Variants in TRAPPC9 observed in about 807,000 individuals in gnomAD.
The protein encoded by TRAPPC9 is trafficking protein particle complex subunit 9.
A neutral mutation model predicts 124.0 loss-of-function variants in TRAPPC9; 83 were observed. The observed-to-expected ratio is 0.67, with a 90% CI of 0.56 to 0.80. TRAPPC9 has a LOEUF of 0.80. Among genes scored for constraint, TRAPPC9 ranks in the 30% least tolerant of loss-of-function variants. The probability of loss-of-function intolerance (pLI) is 0.00; values close to 1 mark genes in which losing one functional copy is unlikely to be tolerated. For missense variants in TRAPPC9, 1,302 were observed against 1,508.3 expected (o/e 0.86, Z 2.27); for synonymous variants, 638 against 617.5 (o/e 1.03, Z -0.49).
At chr8:139,745,732 G>A (rs1278258042) in intron 21 of TRAPPC9, among the ~76,000 whole-genome samples, 2 of 152,260 alleles carry the variant, frequency 1.3e-5, no homozygotes, top group Non-Finnish European at 2.9e-5. Context: ...GGGAAGCCAG[G>A]GCCTCTGGAT....
At chr8:139,986,530 G>A (rs1305664214) in intron 19 of TRAPPC9, among the ~76,000 whole-genome samples, 1 of 152,172 alleles carries the variant, frequency 6.6e-6, no homozygotes, top group South Asian at 2.1e-4. Flanking sequence ...CCCATTAAGA[G>A]ACGCTACTGT....
At position 139,885,715 on chromosome 8, in the gene TRAPPC9, C is replaced by A. The variant is rs568368828; in HGVS notation, c.3055+164G>T. 3.3e-4 allele frequency among the ~76,000 whole-genome samples: 51 copies of A among 152,340 alleles called. No individual in the cohort carries two copies. The South Asian group carries it at 9.5e-3, about 28-fold the overall frequency. On this transcript the variant is annotated intron_variant, in intron 21 of 22. Coordinates refer to ENST00000438773, the MANE Select transcript of TRAPPC9 (RefSeq NM_001160372.4). ...AGATGACCTCACACAGAGGTGCTGG[C>A]GCAGTATGGTGAGCCCGTCTTTTTC...
chr8:139,748,356 A>G lies in TRAPPC9; in HGVS notation c.3056-16154T>C, dbSNP rs1466731620. Reference sequence around the variant, plus strand: ...CAGAGAAGATGCAGGGGGTACACACAGCAGGAGTCAGAGCAGGTAGGGGGG... The same window carrying G: ...CAGAGAAGATGCAGGGGGTACACACGGCAGGAGTCAGAGCAGGTAGGGGGG... On this transcript the variant is annotated intron_variant, in intron 21 of 22. Transcript: ENST00000438773. Among the ~76,000 whole-genome samples, 3 of 103,956 alleles carry G rather than the reference A, an allele frequency of 2.9e-5. No individual in the cohort carries two copies. The East Asian group carries it at 9.3e-4, about 32-fold the overall frequency. 68.2% of individuals were successfully genotyped at this position (103,956 alleles called of 152,430 possible). A position where few individuals can be genotyped will look rare whatever the true frequency, so the allele number is the denominator to read the frequency against.
At chr8:140,107,442 A>G (rs1448828857) in intron 17 of TRAPPC9, among the ~76,000 whole-genome samples, 1 of 152,230 alleles carries the variant, frequency 6.6e-6, no homozygotes, top group Non-Finnish European at 1.5e-5. Context: ...CCTCAAGACA[A>G]CTGCAACAAA....
At chr8:140,258,549 T>C (rs936547826) in intron 15 of TRAPPC9, among the ~76,000 whole-genome samples, 19 of 152,230 alleles carry the variant, frequency 1.2e-4, no homozygotes, top group African/African-American at 4.6e-4. Context: ...ATACATTCTC[T>C]AGGGGTTTTG....
At chr8:139,758,992 C>A (rs1376180869) in intron 21 of TRAPPC9, among the ~76,000 whole-genome samples, 1 of 152,210 alleles carries the variant, frequency 6.6e-6, no homozygotes, top group African/African-American at 2.4e-5. Flanking sequence ...CAAGACACTG[C>A]ATGAGTGAGA....
chr8:139,888,302 C>A (rs1830136850), intron 20 of TRAPPC9, among the ~76,000 whole-genome samples: 1 of 152,224 alleles, frequency 6.6e-6, no homozygotes, highest in South Asian at 2.1e-4. Context: ...CTCGGCCCAA[C>A]TTTGAATCCT....
chr8:139,850,790 G>A (rs1037256200), intron 21 of TRAPPC9, among the ~76,000 whole-genome samples: 2 of 152,002 alleles, frequency 1.3e-5, no homozygotes, highest in Non-Finnish European at 2.9e-5. Context: ...TGACCCATCT[G>A]ACCATTGACC....
intron 19 of TRAPPC9, among the ~76,000 whole-genome samples, chr8:139,949,815 A>G (rs1465228342): frequency 1.3e-5 from 2 of 152,196 alleles, no homozygotes; most frequent in African/African-American, 4.8e-5. Context: ...AGTGTTCTAA[A>G]ATCAATCATG....
intron 14 of TRAPPC9, among the ~76,000 whole-genome samples, chr8:140,278,101 C>T (rs1328819315): frequency 7.1e-6 from 1 of 141,118 alleles, no homozygotes; most frequent in Admixed American, 7.2e-5. Flanking sequence ...TTTTTCAAGA[C>T]AGGGACAAAT....
chr8:140,430,906 C>T (rs973257568), intron 4 of TRAPPC9, among the ~76,000 whole-genome samples: 1 of 152,030 alleles, frequency 6.6e-6, no homozygotes, highest in Admixed American at 6.6e-5. Flanking sequence ...TCCCAAAGTG[C>T]TAGGATTACA....
intron 21 of TRAPPC9, among the ~76,000 whole-genome samples, chr8:139,859,890 C>T (rs1166417636): frequency 6.6e-6 from 1 of 152,252 alleles, no homozygotes; most frequent in African/African-American, 2.4e-5. Context: ...ACAAGTCCAG[C>T]CCCTCTGGGG....
intron 19 of TRAPPC9, among the ~76,000 whole-genome samples, chr8:139,922,685 G>T (rs939579853): frequency 1.3e-5 from 2 of 152,216 alleles, no homozygotes. Context: ...CAGGTGAGAC[G>T]CGGCCCAGAG....
chr8:139,881,797 T>A (rs1208489147), intron 21 of TRAPPC9, among the ~76,000 whole-genome samples: 1 of 152,204 alleles, frequency 6.6e-6, no homozygotes. Flanking sequence ...AGATGGCAGC[T>A]CTTGGGCCAA....
chr8:140,222,634 T>C (rs919557883), intron 16 of TRAPPC9, among the ~76,000 whole-genome samples: 1 of 152,190 alleles, frequency 6.6e-6, no homozygotes, highest in Non-Finnish European at 1.5e-5. Flanking sequence ...CTCTGCATGA[T>C]ACACCATTTA....
rs561340313 is a variant in TRAPPC9, at chr8:140,313,257, T to C, written c.1496-1883A>G. Among the ~76,000 whole-genome samples, 5 of 152,328 alleles carry C rather than the reference T, an allele frequency of 3.3e-5. 1 individual carries two copies. In the South Asian group the frequency reaches 8.3e-4, roughly 25 times the overall value. ...ATTTGCCTAATGTTAGGCAGAGCAC[T>C]TATGGTTGAGGTATCCTATTCAGTT... On this transcript the variant is annotated intron_variant, in intron 9 of 22. Coordinates refer to ENST00000438773, the MANE Select transcript of TRAPPC9 (RefSeq NM_001160372.4).
intron 19 of TRAPPC9, among the ~76,000 whole-genome samples, chr8:139,986,020 G>A (rs143961276): frequency 1.2e-3 from 185 of 152,264 alleles, no homozygotes; most frequent in Admixed American, 2.3e-3. Flanking sequence ...CGAGGCGGGC[G>A]GATCACAAGG....
At chr8:140,444,103 T>C (rs1252482320) in intron 2 of TRAPPC9, among the ~76,000 whole-genome samples, 2 of 142,642 alleles carry the variant, frequency 1.4e-5, no homozygotes, top group African/African-American at 5.2e-5. Context: ...TCCCAGCTAC[T>C]CAGGAGGCTG....
At chr8:139,740,507 AGT>A (rs1173573885) in intron 21 of TRAPPC9, among the ~76,000 whole-genome samples, 3 of 152,232 alleles carry the variant, frequency 2.0e-5, no homozygotes, top group Non-Finnish European at 4.4e-5. Context: ...CAGGTGGTAA[AGT>A]GTGTCTCACT....
Sources: allele counts gnomAD v4.1 joint callset (sites outside exome capture counted in the v4.1 genomes callset), GRCh38; gene constraint gnomAD v4.1.1; transcripts MANE v1.5; gene names NCBI Gene and HGNC (gene_info 2026-07-23, HGNC 2026-07-21).